Variants in KIF5B observed in about 807,000 individuals in gnomAD.
KIF5B encodes kinesin family member 5B, also known as kinesin-1 heavy chain.
Under a neutral mutation model 132.8 loss-of-function variants are expected in KIF5B, and 49 were observed. The observed-to-expected ratio is 0.37, with a 90% CI of 0.29 to 0.47. The LOEUF (loss-of-function observed/expected upper bound fraction) is 0.47. Among genes scored for constraint, KIF5B ranks in the 20% least tolerant of loss-of-function variants. The probability of loss-of-function intolerance (pLI) is 1.00; values close to 1 mark genes in which losing one functional copy is unlikely to be tolerated. For synonymous variants in KIF5B, 355 were observed against 369.4 expected (o/e 0.96, Z 0.45); for missense variants, 780 against 1,144.0 (o/e 0.68, Z 4.59).
chr10:32,024,709 G>A (rs1841312161), intron 15 of KIF5B, among the ~76,000 whole-genome samples: 1 of 151,948 alleles, frequency 6.6e-6, no homozygotes, highest in East Asian at 2.0e-4. Context: ...AGCTTGCAGT[G>A]AGCCGAGATC....
chr10:32,017,946 G>T (rs1435217489), intron 23 of KIF5B, 106 bp downstream of exon 23: 3 of 546,542 alleles, frequency 5.5e-6, no homozygotes, highest in East Asian at 5.7e-5. Flanking sequence ...ATGGCTCAGG[G>T]TATAAAAATT....
chr10:32,046,280 G>A (rs1036470699), intron 2 of KIF5B, among the ~76,000 whole-genome samples: 1 of 152,166 alleles, frequency 6.6e-6, no homozygotes, highest in Admixed American at 6.5e-5. Flanking sequence ...TGATGAGACA[G>A]AAGTATGTCT....
chr10:32,055,740 G>A (rs1841753367), intron 1 of KIF5B, 108 bp downstream of exon 1: 26 of 1,425,322 alleles, frequency 1.8e-5, no homozygotes, highest in Non-Finnish European at 2.4e-5. Context: ...GGGGAGGGCT[G>A]GGGACACCGC....
At chr10:32,025,072 G>A (rs996531776) in intron 15 of KIF5B, among the ~76,000 whole-genome samples, 3 of 152,124 alleles carry the variant, frequency 2.0e-5, no homozygotes, top group South Asian at 2.1e-4. Context: ...GCGAGACTCC[G>A]TCTCAAAGAA....
chr10:32,011,819 G>GT (rs1841085645), intron 25 of KIF5B, among the ~76,000 whole-genome samples: 1 of 151,786 alleles, frequency 6.6e-6, no homozygotes, highest in African/African-American at 2.4e-5. Flanking sequence ...AATTGTATTT[G>GT]TTTAAAAAAG....
chr10:32,015,553 T>A lies in KIF5B; in HGVS notation c.2868A>T (p.Arg956=). 6.2e-7 allele frequency: 1 copy of A among 1,612,970 alleles called. No homozygotes were observed. Residue 956 remains arginine, a synonymous_variant, in exon 25 of 26, where the codon CGA becomes CGT. Coordinates refer to ENST00000302418, the MANE Select transcript of KIF5B (RefSeq NM_004521.3). ...ATTACACTTGTTTGCCTCCTCCACC[T>A]CGCACTGCCACTGGCTGGCTGTTCT... is the stretch of plus-strand genomic sequence containing the variant. ...FVQNSQPVAV[R]GGGGKQV
chr10:32,032,166 G>A (rs1425967772), intron 13 of KIF5B, among the ~76,000 whole-genome samples: 1 of 151,992 alleles, frequency 6.6e-6, no homozygotes, highest in Non-Finnish European at 1.5e-5. Context: ...ATGGCATTTA[G>A]GAGTAGGGAC....
In KIF5B at chr10:32,023,027, C is replaced by T; in HGVS notation, c.1735G>A (p.Gly579Arg). ...AACTCTTCATCTATCATGCCAGTTC[C>T]CTCAGGCTGCTGTAAGGAAAAAGTA... is the stretch of plus-strand genomic sequence containing the variant. ...VGNNDVKQPEGTGMIDEEFTV... is the reference protein window; with the variant it reads ...VGNNDVKQPERTGMIDEEFTV... The change falls in exon 16 of 26, where the codon GGA becomes AGA. Residue 579 changes from glycine to arginine, a missense_variant. Coordinates refer to ENST00000302418, the MANE Select transcript of KIF5B (RefSeq NM_004521.3). 1 of 1,566,112 alleles carries T rather than the reference C, an allele frequency of 6.4e-7. No homozygotes were observed. Among genetic ancestry groups the T allele is most frequent in the Non-Finnish European group, 8.7e-7 (1 of 1,152,498 alleles).
At chr10:32,054,388 C>A (rs918410797) in intron 1 of KIF5B, among the ~76,000 whole-genome samples, 1 of 152,216 alleles carries the variant, frequency 6.6e-6, no homozygotes, top group Non-Finnish European at 1.5e-5. Flanking sequence ...ACTCGCCTGA[C>A]AGTCTTTACA....
At chr10:32,021,644 T>C (rs889206671) in intron 17 of KIF5B, among the ~76,000 whole-genome samples, 8 of 151,998 alleles carry the variant, frequency 5.3e-5, no homozygotes, top group African/African-American at 1.7e-4. Flanking sequence ...CCAGATTGGC[T>C]ATTTCCATAT....
At position 32,056,261 on chromosome 10, in the gene KIF5B, A is replaced by C; in HGVS notation, c.-288T>G. 1.6e-5 allele frequency: 6 copies of C among 374,396 alleles called. No individual in the cohort carries two copies. The highest frequency in any genetic ancestry group is 1.9e-5 in the Non-Finnish European group (4 of 206,882). 23.2% of individuals were successfully genotyped at this position (374,396 alleles called of 1,614,324 possible). A position where few individuals can be genotyped will look rare whatever the true frequency, so the allele number is the denominator to read the frequency against. ...CCGCGGCTCCTCAGCGTCCCCCTTT[A>C]CGGTCTGGGCGGACTGCGGGGGCTG... On this transcript the variant is annotated 5_prime_UTR_variant, in exon 1 of 26. Transcript: ENST00000302418.
Position 32,056,139 on chromosome 10 carries a change from G to T in KIF5B, c.-166C>A. On this transcript the variant is annotated 5_prime_UTR_variant, in exon 1 of 26. Coordinates refer to ENST00000302418, the MANE Select transcript of KIF5B (RefSeq NM_004521.3). ...GGAGGCGGCCGGGGAGCCGGGACTT[G>T]AAGAGCCGGCGCCGGCAGCCGTTAA... 1.4e-6 allele frequency: 1 copy of T among 729,420 alleles called. No individual in the cohort carries two copies. The highest frequency in any genetic ancestry group is 2.1e-6 in the Non-Finnish European group (1 of 465,220). The allele number at this position is 729,420 out of a possible 1,614,324, so 45.2% of individuals were successfully genotyped here.
intron 3 of KIF5B, among the ~76,000 whole-genome samples, chr10:32,039,853 T>C (rs1238174784): frequency 6.6e-6 from 1 of 152,212 alleles, no homozygotes; most frequent in Non-Finnish European, 1.5e-5. Flanking sequence ...GTCATTTACT[T>C]AATATAGTAC....
At chr10:32,047,183 T>C (rs990993880) in intron 2 of KIF5B, among the ~76,000 whole-genome samples, 1 of 152,210 alleles carries the variant, frequency 6.6e-6, no homozygotes, top group Admixed American at 6.5e-5. Flanking sequence ...AGGGACTGTC[T>C]GTATTCACCT....
At chr10:32,053,816 A>T (rs897049754) in intron 1 of KIF5B, among the ~76,000 whole-genome samples, 1 of 152,194 alleles carries the variant, frequency 6.6e-6, no homozygotes, top group Non-Finnish European at 1.5e-5. Context: ...TTAACTGTTC[A>T]TTACGGATTC....
At chr10:32,037,128 A>ACAATCCAGTTAC in intron 8 of KIF5B, 126 bp downstream of exon 8, 5 of 793,204 alleles carry the variant, frequency 6.3e-6, no homozygotes, top group Non-Finnish European at 8.1e-6. Flanking sequence ...ATCAGCGGTT[A>ACAATCCAGTTAC]CAAATCTCAG....
At chr10:32,031,863 G>C (rs965254493) in intron 13 of KIF5B, among the ~76,000 whole-genome samples, 3 of 149,038 alleles carry the variant, frequency 2.0e-5, no homozygotes, top group Non-Finnish European at 4.5e-5. Flanking sequence ...GCCAGGCGTG[G>C]TGGCGGGCGC....
At chr10:32,042,640 T>C (rs891139914) in intron 2 of KIF5B, among the ~76,000 whole-genome samples, 37 of 152,234 alleles carry the variant, frequency 2.4e-4, no homozygotes, top group African/African-American at 7.7e-4. Context: ...CCATCATCAA[T>C]GTACAGCATC....
chr10:32,022,044 T>C (rs1841270805), intron 17 of KIF5B, 96 bp downstream of exon 17: 3 of 666,560 alleles, frequency 4.5e-6, no homozygotes, highest in Middle Eastern at 2.6e-4. Flanking sequence ...AAATCAGCCA[T>C]ATTCCTACTA....
Sources: allele counts gnomAD v4.1 joint callset (sites outside exome capture counted in the v4.1 genomes callset), GRCh38; gene constraint gnomAD v4.1.1; transcripts MANE v1.5; gene names NCBI Gene and HGNC (gene_info 2026-07-23, HGNC 2026-07-21).